The following ACAN variants were observed in gnomAD, a reference collection of about 807,000 sequenced individuals.
The protein encoded by ACAN is aggrecan core protein.
A neutral mutation model predicts 169.1 loss-of-function variants in ACAN; 47 were observed. The observed-to-expected ratio is 0.28, with a 90% CI of 0.22 to 0.35. ACAN has a LOEUF of 0.35. Ranked by LOEUF, ACAN falls within the 10% of genes least tolerant of loss-of-function variation. The pLI, the probability that ACAN is intolerant of heterozygous loss-of-function variation, is 1.00. For missense variants in ACAN, 2,716 were observed against 2,759.9 expected (o/e 0.98, Z 0.36); for synonymous variants, 1,115 against 1,112.2 (o/e 1.00, Z -0.05).
intron 10 of ACAN, chr15:88,850,129 CT>C: frequency 2.0e-6 from 1 of 506,234 alleles, no homozygotes. Flanking sequence ...ACAGTAAATG[CT>C]CAATAAATGT....
chr15:88,844,294 C>CTT (rs71149235), intron 6 of ACAN, among the ~76,000 whole-genome samples: 27 of 104,672 alleles, frequency 2.6e-4, no homozygotes, highest in African/African-American at 7.6e-4. Context: ...CCATGCTTTG[C>CTT]TTTTTTTTTT....
rs555554973 is a variant in ACAN, at chr15:88,873,111, G to A, written c.7447+86G>A. 6.7e-7 allele frequency: 1 copy of A among 1,492,800 alleles called. No homozygotes were observed. Among genetic ancestry groups the A allele is most frequent in the East Asian group, 2.4e-5 (1 of 41,484 alleles). The allele number at this position is 1,492,800 out of a possible 1,614,324, so 92.5% of individuals were successfully genotyped here. On this transcript the variant is annotated intron_variant, in intron 17 of 18. Transcript: ENST00000560601. The surrounding 1 kb of genome is among the most constrained non-coding windows in gnomAD (Gnocchi z 7.5). ...AGGCTCTTGCTGTGTGGCCTGGGGT[G>A]AGTCCCTTGTCTTCTGGCTGCTGGT...
chr15:88,814,265 C>T lies in ACAN; in HGVS notation c.-8+10456C>T, dbSNP rs1285487028. Among the ~76,000 whole-genome samples, 1 of 152,216 alleles carries T rather than the reference C, an allele frequency of 6.6e-6. No homozygotes were observed. The highest frequency in any genetic ancestry group is 1.5e-5 in the Non-Finnish European group (1 of 68,044). On this transcript the variant is annotated intron_variant, in intron 1 of 18. Coordinates refer to ENST00000560601, the MANE Select transcript of ACAN (RefSeq NM_001369268.1). The surrounding 1 kb of genome is among the most constrained non-coding windows in gnomAD (Gnocchi z 4.0). ...ATAATATAGCTAAACCACAGTACCT[C>T]CCACAGAGCAAGGGCTCTCAAAACA... is the stretch of plus-strand genomic sequence containing the variant.
At chr15:88,862,997 CAAAAAAA>C (rs57598410) in intron 13 of ACAN, among the ~76,000 whole-genome samples, 3 of 73,808 alleles carry the variant, frequency 4.1e-5, no homozygotes, top group African/African-American at 1.3e-4. Context: ...CACTCGGTCT[CAAAAAAA>C]AAAAAAAAAA....
intron 1 of ACAN, among the ~76,000 whole-genome samples, chr15:88,817,557 GAAA>G (rs11334021): frequency 6.8e-6 from 1 of 147,946 alleles, no homozygotes; most frequent in Admixed American, 6.7e-5. Flanking sequence ...GTTCAAGATA[GAAA>G]AAAAAAAAAT....
In ACAN at chr15:88,843,315, G is replaced by A. The variant is rs754069770; in HGVS notation, c.758-40G>A. 9.9e-6 allele frequency: 15 copies of A among 1,521,026 alleles called. No individual in the cohort carries two copies. In the East Asian group the frequency reaches 3.2e-4, roughly 33 times the overall value. 94.2% of individuals were successfully genotyped at this position (1,521,026 alleles called of 1,614,324 possible). The stretch of plus-strand genomic sequence containing the variant: ...TCTGGGGATGCAGAGCAGGGGGAGG[G>A]GGGAGAAGACCCTTACCCAGCTGGC... On this transcript the variant is annotated intron_variant, in intron 5 of 18. Coordinates refer to ENST00000560601, the MANE Select transcript of ACAN (RefSeq NM_001369268.1). The surrounding 1 kb of genome is among the most constrained non-coding windows in gnomAD (Gnocchi z 4.0).
chr15:88,838,980 G>T lies in ACAN; in HGVS notation c.388G>T (p.Val130Phe). The change falls in exon 3 of 19, where the codon GTC becomes TTC. Residue 130 changes from valine (V) to phenylalanine (F), a missense_variant. Transcript: ENST00000560601. The surrounding 1 kb of genome is among the most constrained non-coding windows in gnomAD (Gnocchi z 5.1). The part of the protein sequence containing the change: ...VQSLRSNDSG[V>F]YRCEVMHGIE... ...GAGCCTGCGCTCCAATGACTCTGGG[G>T]TCTACCGCTGCGAGGTGATGCATGG... is the stretch of plus-strand genomic sequence containing the variant. 2 of 1,612,750 alleles carry T rather than the reference G, an allele frequency of 1.2e-6. No individual in the cohort carries two copies. Among genetic ancestry groups the T allele is most frequent in the Non-Finnish European group, 1.7e-6 (2 of 1,179,896 alleles).
Position 88,847,228 on chromosome 15 carries a change from C to G in ACAN, c.1430-15C>G. 1.3e-6 allele frequency: 2 copies of G among 1,534,940 alleles called. No homozygotes were observed. Among genetic ancestry groups the G allele is most frequent in the Non-Finnish European group, 1.8e-6 (2 of 1,135,930 alleles). ...GTGGGTCCCTGAACCTGACCGCTCC[C>G]TCCTCCCCACCCAGGGGTCGTCTTC... On this transcript the variant is annotated splice_polypyrimidine_tract_variant and intron_variant, in intron 7 of 18. Transcript: ENST00000560601.
intron 1 of ACAN, among the ~76,000 whole-genome samples, chr15:88,813,245 A>G (rs1284316895): frequency 2.0e-5 from 3 of 152,248 alleles, no homozygotes; most frequent in African/African-American, 7.2e-5. Flanking sequence ...GGGTCAGTCC[A>G]TGATACCCCA....
intron 1 of ACAN, among the ~76,000 whole-genome samples, chr15:88,809,100 A>T (rs1031305209): frequency 6.6e-6 from 1 of 152,246 alleles, no homozygotes; most frequent in Non-Finnish European, 1.5e-5. Flanking sequence ...CAAATTAGAC[A>T]TACAATAAAA....
chr15:88,858,594 T>A lies in ACAN; in HGVS notation c.6009T>A (p.Tyr2003Ter), dbSNP rs35676128. The A allele has an allele frequency of 6.2e-7, 1 of 1,613,864 alleles. No homozygotes were observed. The highest frequency in any genetic ancestry group is 2.2e-5 in the East Asian group (1 of 44,884). The change falls in exon 12 of 19, where the codon TAT (tyrosine) becomes TAA (stop). Residue 2003 changes from tyrosine (Y) to a stop codon, truncating the protein, a stop_gained. Transcript: ENST00000560601. LOFTEE classifies it high-confidence loss of function. This position sits in a 1 kb window ranked among gnomAD's most constrained non-coding sequence, Gnocchi z 4.0. The stretch of plus-strand genomic sequence containing the variant: ...GCGGAGAGCCACCAGGTACTCCATA[T>A]TTTAGTGGGGATTTTGCCAGCACCA... ...EPSGEPPGTP[Y>*]FSGDFASTTN...
intron 6 of ACAN, among the ~76,000 whole-genome samples, chr15:88,844,490 C>T (rs1238398501): frequency 6.6e-6 from 1 of 152,140 alleles, no homozygotes; most frequent in Non-Finnish European, 1.5e-5. Flanking sequence ...TCTTCTGCCT[C>T]AGCCTCCCAG....
rs1186645658 is a variant in ACAN, at chr15:88,870,052, C to T, written c.7061-1330C>T. 6.6e-6 allele frequency among the ~76,000 whole-genome samples: 1 copy of T among 152,132 alleles called. No homozygotes were observed. Among genetic ancestry groups the T allele is most frequent in the East Asian group, 1.9e-4 (1 of 5,190 alleles). The stretch of plus-strand genomic sequence containing the variant: ...GTGCTGAGCTAGTCTGAGGCCTCTC[C>T]ACCTCTTTCCAGACTGCAGCCTCAC... On this transcript the variant is annotated intron_variant, in intron 14 of 18. Coordinates refer to ENST00000560601, the MANE Select transcript of ACAN (RefSeq NM_001369268.1). This position sits in a 1 kb window ranked among gnomAD's most constrained non-coding sequence, Gnocchi z 6.3.
chr15:88,868,184 G>A lies in ACAN; in HGVS notation c.6947-32G>A. 1.4e-6 allele frequency: 1 copy of A among 697,724 alleles called. No individual in the cohort carries two copies. The highest frequency in any genetic ancestry group is 2.6e-6 in the Non-Finnish European group (1 of 382,018). The allele number at this position is 697,724 out of a possible 1,614,324, so 43.2% of individuals were successfully genotyped here. ...CTTGTGAGGCTGGAGTTGCCGGCAGGAGTCCTAATGGTGGCCCTTGGTTTC... is the reference window on the plus strand; with the variant it reads ...CTTGTGAGGCTGGAGTTGCCGGCAGAAGTCCTAATGGTGGCCCTTGGTTTC... On this transcript the variant is annotated intron_variant, in intron 13 of 18. Transcript: ENST00000560601. The surrounding 1 kb of genome is among the most constrained non-coding windows in gnomAD (Gnocchi z 5.2).
chr15:88,832,703 T>C (rs1400518366), intron 1 of ACAN, among the ~76,000 whole-genome samples: 1 of 152,246 alleles, frequency 6.6e-6, no homozygotes, highest in Admixed American at 6.5e-5. Context: ...TAATGTTGTG[T>C]TTGAAATGAA....
Position 88,857,412 on chromosome 15 carries a change from G to A in ACAN, c.4827G>A (p.Leu1609=), listed in dbSNP as rs372339423. The A allele has an allele frequency of 2.1e-5, 34 of 1,613,794 alleles. No homozygotes were observed. Among genetic ancestry groups the A allele is most frequent in the Non-Finnish European group, 2.7e-5 (32 of 1,179,912 alleles). ...CTGGAGACTTGGACTTGGGCAAACT[G>A]CCTTCTGGAACTCTAGGAAGTGGGC... ...SASGDLDLGK[L]PSGTLGSGQA... The change falls in exon 12 of 19, where the codon CTG becomes CTA. Residue 1609 remains leucine, a synonymous_variant. Transcript: ENST00000560601.
intron 6 of ACAN, among the ~76,000 whole-genome samples, chr15:88,844,080 C>G (rs1896734536): frequency 6.6e-6 from 1 of 152,066 alleles, no homozygotes; most frequent in South Asian, 2.1e-4. Flanking sequence ...TGCTATCTGC[C>G]TTTTTAAATT....
At chr15:88,852,097 G>T in intron 11 of ACAN, 64 bp downstream of exon 11, 1 of 1,525,834 alleles carries the variant, frequency 6.6e-7, no homozygotes, top group Non-Finnish European at 8.8e-7. Context: ...CCTACAGTGT[G>T]CCTGGTGGGG....
At chr15:88,842,745 G>A (rs1366441579) in intron 5 of ACAN, among the ~76,000 whole-genome samples, 3 of 152,184 alleles carry the variant, frequency 2.0e-5, no homozygotes, top group Non-Finnish European at 4.4e-5. Flanking sequence ...AGCTGCCACT[G>A]AGCAGGGGTA....
Sources: gnomAD v4.1 joint callset for allele counts (sites outside exome capture counted in the v4.1 genomes callset) on GRCh38, gnomAD v4.1.1 for gene constraint, Gnocchi (gnomAD v3.1) non-coding constraint, MANE v1.5 for transcripts, NCBI Gene and HGNC (gene_info 2026-07-23, HGNC 2026-07-21) for gene names.